TAOK1: variants seen among roughly 807,000 people sequenced by gnomAD.
The protein encoded by TAOK1 is serine/threonine-protein kinase TAO1.
TAOK1 carries 21 observed loss-of-function variants against 138.3 expected under a neutral mutation model. The observed-to-expected ratio is 0.15, with a 90% CI of 0.11 to 0.22. The LOEUF is 0.22. Among genes scored for constraint, TAOK1 ranks in the 10% least tolerant of loss-of-function variants. The probability of loss-of-function intolerance (pLI) is 1.00; values close to 1 mark genes in which losing one functional copy is unlikely to be tolerated. For synonymous variants in TAOK1, 361 were observed against 398.4 expected, an observed-to-expected ratio of 0.91 and a Z score of 1.12; for missense variants, 651 against 1,227.7, an observed-to-expected ratio of 0.53 and a Z score of 7.02.
rs9898181 is a variant in TAOK1, at chr17:29,516,253, G to C, written c.1705-1200G>C. The stretch of plus-strand genomic sequence containing the variant: ...TGGGATTACAGGCGTGAGCCACCGC[G>C]CCCAGCCAAGAACTTTTATTTAAAA... On this transcript the variant is annotated intron_variant, in intron 15 of 19. Transcript: ENST00000261716. Among the ~76,000 whole-genome samples the C allele has an allele frequency of 3.7e-3, 558 of 151,848 alleles. 5 individuals are homozygous for C. Among genetic ancestry groups the C allele is most frequent in the African/African-American group, 0.013 (541 of 41,448 alleles).
rs1210640100 is a variant in TAOK1, at chr17:29,491,721, A to G, written c.750-63A>G. 16 of 1,222,940 alleles carry G rather than the reference A, an allele frequency of 1.3e-5. No individual in the cohort carries two copies. In the Admixed American group the frequency reaches 2.7e-4, roughly 21 times the overall value. 75.8% of individuals were successfully genotyped at this position (1,222,940 alleles called of 1,614,324 possible). Reference sequence around the variant, plus strand: ...CTCCCACCAATAGGCACGTGTCTTGATTTGTGAATGTATTTTTAAAGGAAA... The same window carrying G: ...CTCCCACCAATAGGCACGTGTCTTGGTTTGTGAATGTATTTTTAAAGGAAA... On this transcript the variant is annotated intron_variant, in intron 9 of 19. Coordinates refer to ENST00000261716, the MANE Select transcript of TAOK1 (RefSeq NM_020791.4).
chr17:29,422,215 A>T (rs1456642053), intron 1 of TAOK1, among the ~76,000 whole-genome samples: 2 of 139,746 alleles, frequency 1.4e-5, no homozygotes, highest in African/African-American at 5.4e-5. Context: ...TTTTTAATTT[A>T]TTTTTTGAGA....
rs79830449 is a variant in TAOK1, at chr17:29,464,459, GA to G, written c.133-2676del. Among the ~76,000 whole-genome samples the G allele has an allele frequency of 1.7e-3, 246 of 141,636 alleles. 1 individual carries two copies. The highest frequency in any genetic ancestry group is 5.5e-3 in the African/African-American group (211 of 38,702). The allele number at this position is 141,636 out of a possible 152,430, so 92.9% of individuals were successfully genotyped here. ...ACTCCATCTCAAAAAAAAAAAAAAA[GA>G]AAAAAAAAATGTTCTGTAATTGACC... On this transcript the variant is annotated intron_variant, in intron 2 of 19. Transcript: ENST00000261716.
chr17:29,542,492 T>A (rs1200794473), intron 19 of TAOK1, 69 bp from the exon 20 acceptor site: 2 of 1,379,830 alleles, frequency 1.4e-6, no homozygotes, highest in African/African-American at 2.9e-5. Context: ...GCTGAATAAT[T>A]ATTGCTTCCT....
At chr17:29,439,864 TAAA>T (rs371960597) in intron 1 of TAOK1, among the ~76,000 whole-genome samples, 69 of 118,156 alleles carry the variant, frequency 5.8e-4, no homozygotes, top group Admixed American at 7.0e-4. Flanking sequence ...CTCTGTCTCC[TAAA>T]AAAAAAAAAA....
At chr17:29,470,572 T>G (rs2030791128) in intron 3 of TAOK1, among the ~76,000 whole-genome samples, 1 of 152,076 alleles carries the variant, frequency 6.6e-6, no homozygotes, top group African/African-American at 2.4e-5. Flanking sequence ...TGAAGAAAAA[T>G]CACTGAATAT....
In TAOK1 at chr17:29,476,828, T is replaced by C. The variant is rs9899040; in HGVS notation, c.307-833T>C. The stretch of plus-strand genomic sequence containing the variant: ...TTTTGTTTTATTTTTATTGTTATAT[T>C]GTCATTTTTTAAAATTTTATTTATT... On this transcript the variant is annotated intron_variant, in intron 4 of 19. Transcript: ENST00000261716. Among the ~76,000 whole-genome samples, 555 of 152,122 alleles carry C rather than the reference T, an allele frequency of 3.6e-3. 5 individuals carry two copies. Among genetic ancestry groups the C allele is most frequent in the African/African-American group, 0.013 (538 of 41,508 alleles).
chr17:29,484,168 TC>T (rs1212343878), intron 8 of TAOK1, among the ~76,000 whole-genome samples: 1 of 152,246 alleles, frequency 6.6e-6, no homozygotes, highest in African/African-American at 2.4e-5. Context: ...ATAAAAGAGT[TC>T]CTTCACAATA....
At chr17:29,460,520 G>A (rs2030506757) in intron 2 of TAOK1, among the ~76,000 whole-genome samples, 1 of 152,184 alleles carries the variant, frequency 6.6e-6, no homozygotes, top group Non-Finnish European at 1.5e-5. Flanking sequence ...AAGTATGACT[G>A]AAGTTGGTAT....
At chr17:29,493,510 G>A (rs1341099947) in intron 10 of TAOK1, among the ~76,000 whole-genome samples, 1 of 151,284 alleles carries the variant, frequency 6.6e-6, no homozygotes, top group Non-Finnish European at 1.5e-5. Context: ...AAAAAAAAAG[G>A]AAGAATGTGA....
chr17:29,476,636 G>T (rs1251701741), intron 4 of TAOK1, among the ~76,000 whole-genome samples: 1 of 152,024 alleles, frequency 6.6e-6, no homozygotes, highest in African/African-American at 2.4e-5. Context: ...ATCTGTGGGG[G>T]ATTTGGTTCC....
At chr17:29,517,776 C>T (rs1254939185) in intron 16 of TAOK1, 120 bp downstream of exon 16, 1 of 864,516 alleles carries the variant, frequency 1.2e-6, no homozygotes, top group East Asian at 2.6e-5. Context: ...CTGAATCATT[C>T]TTCCCCAGAT....
intron 1 of TAOK1, among the ~76,000 whole-genome samples, chr17:29,408,730 G>A (rs1338223584): frequency 6.7e-6 from 1 of 148,632 alleles, no homozygotes. Context: ...TTATTTTTTT[G>A]GAGATGGAGT....
chr17:29,546,653 CTG>C lies in TAOK1; in HGVS notation c.*3633_*3634del, dbSNP rs1245638563. On this transcript the variant is annotated 3_prime_UTR_variant, in exon 20 of 20. Coordinates refer to ENST00000261716, the MANE Select transcript of TAOK1 (RefSeq NM_020791.4). Reference sequence around the variant, plus strand: ...ACCATGATCTACTGGCTTTTTAAAACTGTATTAAATATGCACATTTTTGGTAT... The same window carrying C: ...ACCATGATCTACTGGCTTTTTAAAACTATTAAATATGCACATTTTTGGTAT... 20 of 151,954 alleles carry C rather than the reference CTG, an allele frequency of 1.3e-4. No individual in the cohort carries two copies. Among genetic ancestry groups the C allele is most frequent in the Admixed American group, 2.6e-4 (4 of 15,242 alleles). The allele number at this position is 151,954 out of a possible 1,614,324, so 9.4% of individuals were successfully genotyped here.
chr17:29,443,164 G>A (rs900279427), intron 1 of TAOK1, among the ~76,000 whole-genome samples: 2 of 152,138 alleles, frequency 1.3e-5, no homozygotes, highest in Non-Finnish European at 2.9e-5. Flanking sequence ...GTAGAGAAAA[G>A]GGCTTTATAA....
chr17:29,394,418 G>A (rs1767688102), intron 1 of TAOK1, among the ~76,000 whole-genome samples: 1 of 152,036 alleles, frequency 6.6e-6, no homozygotes, highest in Non-Finnish European at 1.5e-5. Flanking sequence ...GCCCGCCTCA[G>A]CCTCCCAGAG....
chr17:29,418,990 C>T (rs1261998233), intron 1 of TAOK1, among the ~76,000 whole-genome samples: 1 of 144,148 alleles, frequency 6.9e-6, no homozygotes, highest in African/African-American at 2.6e-5. Context: ...TCAAAAAAGG[C>T]TGCTGGTTTT....
rs748645196 is a variant in TAOK1 at position 29,495,619 on chromosome 17, A to G, written c.891A>G (p.Thr297=). The G allele has an allele frequency of 2.5e-6, 4 of 1,612,086 alleles. No individual in the cohort carries two copies. Among genetic ancestry groups the G allele is most frequent in the Non-Finnish European group, 3.4e-6 (4 of 1,178,732 alleles). Residue 297 remains threonine, a synonymous_variant, in exon 11 of 20, where the codon ACA becomes ACG. Coordinates refer to ENST00000261716, the MANE Select transcript of TAOK1 (RefSeq NM_020791.4). ...ETVLIDLIQR[T]KDAVRELDNL... is the part of the protein sequence containing the mutation. ...TGTTAATAGATCTCATTCAGAGGAC[A>G]AAGGATGCAGTAAGAGAGCTGGACA... is the stretch of plus-strand genomic sequence containing the variant.
At chr17:29,522,137 TCA>T (rs2031931854) in intron 16 of TAOK1, 141 bp from the exon 17 acceptor site, 3 of 1,083,518 alleles carry the variant, frequency 2.8e-6, no homozygotes, top group East Asian at 5.2e-5. Context: ...GAGGTAAAAG[TCA>T]CAACCCTCTT....
Sources: gnomAD v4.1 joint callset for allele counts (sites outside exome capture counted in the v4.1 genomes callset) on GRCh38, gnomAD v4.1.1 for gene constraint, MANE v1.5 for transcripts, NCBI Gene and HGNC (gene_info 2026-07-23, HGNC 2026-07-21) for gene names.